SUN1: variants seen among roughly 807,000 people sequenced by gnomAD.
SUN1 encodes SUN domain-containing protein 1.
Under a neutral mutation model 103.2 loss-of-function variants are expected in SUN1, and 61 were observed. The ratio of observed to expected loss-of-function variants is 0.59; its 90% CI spans 0.48 to 0.73. The LOEUF is 0.73. Among genes scored for constraint, SUN1 ranks in the 30% least tolerant of loss-of-function variants. The pLI, the probability that SUN1 is intolerant of heterozygous loss-of-function variation, is 0.00. For synonymous variants in SUN1, 490 were observed against 425.7 expected (o/e 1.15, Z -1.86); for missense variants, 1,052 against 1,034.6 (o/e 1.02, Z -0.23).
At chr7:836,463 G>A (rs527521920) in intron 1 of SUN1, among the ~76,000 whole-genome samples, 1 of 152,240 alleles carries the variant, frequency 6.6e-6, no homozygotes, top group Non-Finnish European at 1.5e-5. Context: ...AGCCGATGGT[G>A]TAAGTTCCAG....
intron 8 of SUN1, 25 bp from the exon 9 acceptor site, chr7:852,785 G>A: frequency 1.2e-6 from 2 of 1,611,474 alleles, no homozygotes; most frequent in Admixed American, 1.7e-5. Flanking sequence ...GTACCTGTGT[G>A]TGTGTGGTGG....
chr7:865,592 C>T (rs12532761), intron 15 of SUN1, among the ~76,000 whole-genome samples: 23,397 of 152,124 alleles, frequency 0.15, 1,977 homozygotes, highest in African/African-American at 0.17. Context: ...TCCTTTCTGT[C>T]GGGGGTGCAC....
chr7:865,878 C>T (rs1377053107), intron 15 of SUN1, 74 bp from the exon 16 acceptor site: 1 of 1,215,934 alleles, frequency 8.2e-7, no homozygotes, highest in African/African-American at 1.5e-5. Flanking sequence ...TTAATAAATC[C>T]TGAAGTGGTG....
rs542993409 is a variant in SUN1, at chr7:869,464, C to T, written c.2096C>T (p.Thr699Met). The T allele has an allele frequency of 1.1e-5, 17 of 1,613,782 alleles. No individual in the cohort carries two copies. Among genetic ancestry groups the T allele is most frequent in the African/African-American group, 4.0e-5 (3 of 74,892 alleles). The change falls in exon 17 of 19, where the codon ACG becomes ATG. Residue 699 changes from threonine (T) to methionine (M), a missense_variant. This residue lies in a region of SUN1 where 206 missense variants were observed against 260.1 expected (regional missense o/e 0.79). Transcript: ENST00000401592. ...AAFTLEHIPK[T>M]LSPTGNISSA... ...TTCACTCTGGAGCACATCCCTAAGA[C>T]GCTGTCGCCAACAGGCAACATCAGC...
intron 5 of SUN1, among the ~76,000 whole-genome samples, chr7:847,252 G>A (rs1359068288): frequency 7.3e-5 from 11 of 151,260 alleles, no homozygotes; most frequent in South Asian, 4.2e-4. Flanking sequence ...TCCAGTCTCC[G>A]GGGTCCCCTG....
At chr7:850,341 G>T in intron 5 of SUN1, 1 of 339,366 alleles carries the variant, frequency 2.9e-6, no homozygotes, top group Non-Finnish European at 5.5e-6. Context: ...TGGGACTACA[G>T]GCGCACACCA....
chr7:819,115 G>A (rs1250474997), intron 1 of SUN1, among the ~76,000 whole-genome samples: 1 of 151,356 alleles, frequency 6.6e-6, no homozygotes, highest in Non-Finnish European at 1.5e-5. Flanking sequence ...TGCCCGCCTC[G>A]CCCTCCCAAA....
At chr7:822,370 G>A (rs1305844526) in intron 1 of SUN1, among the ~76,000 whole-genome samples, 1 of 152,184 alleles carries the variant, frequency 6.6e-6, no homozygotes, top group Non-Finnish European at 1.5e-5. Flanking sequence ...GGTAACATCT[G>A]TGTGACAGAC....
At chr7:850,753 C>T (rs1821067801) in intron 5 of SUN1, 1 of 135,562 alleles carries the variant, frequency 7.4e-6, no homozygotes, top group South Asian at 2.3e-4. Flanking sequence ...GTAGCAAAAC[C>T]CTGTCTCTTA....
In SUN1 at chr7:817,738, C is replaced by CGA. The variant is rs147067018; in HGVS notation, c.-74+1065_-74+1066insGA. ...AAACACCGTGTGTTTTGGTTTATCTCATCTGTTGTTGGACACTTGATAGTT... is the reference window on the plus strand; with the variant it reads ...AAACACCGTGTGTTTTGGTTTATCTCGAATCTGTTGTTGGACACTTGATAGTT... On this transcript the variant is annotated intron_variant, in intron 1 of 17. Coordinates refer to the SUN1 transcript ENST00000389574. 3.0e-3 allele frequency among the ~76,000 whole-genome samples: 451 copies of CGA among 152,316 alleles called. 4 individuals carry two copies. The highest frequency in any genetic ancestry group is 0.01 in the African/African-American group (434 of 41,552).
intron 1 of SUN1, among the ~76,000 whole-genome samples, chr7:823,697 C>G (rs1251282833): frequency 6.6e-6 from 1 of 152,100 alleles, no homozygotes; most frequent in East Asian, 1.9e-4. Context: ...AGGTGGTTTT[C>G]TCAAGGATTG....
At chr7:821,131 G>A (rs1785478217) in intron 1 of SUN1, among the ~76,000 whole-genome samples, 1 of 148,676 alleles carries the variant, frequency 6.7e-6, no homozygotes, top group Non-Finnish European at 1.5e-5. Context: ...GGAAGAGAGT[G>A]GATGCTAACA....
intron 13 of SUN1, 23 bp downstream of exon 13, chr7:857,980 T>C (rs773859883): frequency 1.3e-6 from 2 of 1,535,960 alleles, no homozygotes; most frequent in Non-Finnish European, 1.8e-6. Context: ...CATGTTTACT[T>C]TTTGTTTTAT....
At chr7:833,461 C>T (rs1278254583) in intron 1 of SUN1, among the ~76,000 whole-genome samples, 1 of 152,042 alleles carries the variant, frequency 6.6e-6, no homozygotes, top group Non-Finnish European at 1.5e-5. Flanking sequence ...CAGACGTGCG[C>T]CACCACGCCC....
chr7:853,493 G>A lies in SUN1; in HGVS notation c.1138G>A (p.Gly380Ser). 6.2e-7 allele frequency: 1 copy of A among 1,614,010 alleles called. No individual in the cohort carries two copies. Among genetic ancestry groups the A allele is most frequent in the Non-Finnish European group, 8.5e-7 (1 of 1,180,044 alleles). Residue 380 changes from glycine (G) to serine (S), a missense_variant, in exon 10 of 19, where the codon GGT becomes AGT. Physicochemically the swap from Gly to Ser is moderately conservative, Grantham distance 56 (BLOSUM62 0). This residue lies in a region of SUN1 where 846 missense variants were observed against 774.5 expected (regional missense o/e 1.09). Transcript: ENST00000401592. Reference protein sequence around the residue: ...ASLSGQCHHHGENLRELTTLL... With the variant: ...ASLSGQCHHHSENLRELTTLL... ...TCTGTCTGGACAGTGCCACCACCAT[G>A]GTGAGAATCTCCGAGAGCTGACCAC...
intron 15 of SUN1, among the ~76,000 whole-genome samples, chr7:864,099 T>C (rs980114991): frequency 6.6e-6 from 1 of 152,264 alleles, no homozygotes; most frequent in Non-Finnish European, 1.5e-5. Flanking sequence ...ATCTATTTTT[T>C]AATTTTTGTG....
At chr7:826,878 C>T (rs1792617032) in intron 1 of SUN1, among the ~76,000 whole-genome samples, 1 of 152,124 alleles carries the variant, frequency 6.6e-6, no homozygotes, top group African/African-American at 2.4e-5. Context: ...ATTATCAACT[C>T]GGTATTGACG....
rs374700287 is a variant in SUN1, at chr7:866,078, G to A, written c.1980+11G>A. 2.3e-3 allele frequency: 3,706 copies of A among 1,609,964 alleles called. 7 individuals carry two copies. Among genetic ancestry groups the A allele is most frequent in the Non-Finnish European group, 2.9e-3 (3,370 of 1,176,350 alleles). On this transcript the variant is annotated intron_variant, in intron 16 of 18. Coordinates refer to ENST00000401592, the MANE Select transcript of SUN1 (RefSeq NM_001130965.3). The stretch of plus-strand genomic sequence containing the variant: ...CGCGTGGTCATCCAGGTGAGTGGCC[G>A]CCGGTGGCCGGAGCTGCTCCTCTTC...
At chr7:849,519 G>T in intron 5 of SUN1, 1 of 1,373,224 alleles carries the variant, frequency 7.3e-7, no homozygotes, top group Non-Finnish European at 9.7e-7. Flanking sequence ...GTGTGTTGCA[G>T]CTCATGCCAG....
Sources: gnomAD v4.1 joint callset for allele counts (sites outside exome capture counted in the v4.1 genomes callset) on GRCh38, gnomAD v4.1.1 for gene constraint, gnomAD v4.1.1 regional missense constraint, MANE v1.5 for transcripts, NCBI Gene and HGNC (gene_info 2026-07-23, HGNC 2026-07-21) for gene names.